The following DPYD variants were observed in gnomAD, a reference collection of about 807,000 sequenced individuals.
DPYD encodes the protein dihydropyrimidine dehydrogenase, also known as dihydropyrimidine dehydrogenase [NADP(+)].
A neutral mutation model predicts 116.2 loss-of-function variants in DPYD; 109 were observed. The ratio of observed to expected loss-of-function variants is 0.94; its 90% CI spans 0.80 to 1.10. The LOEUF (loss-of-function observed/expected upper bound fraction) is 1.10. Among genes scored for constraint, DPYD ranks in the 50% least tolerant of loss-of-function variants. The pLI, the probability that DPYD is intolerant of heterozygous loss-of-function variation, is 0.00. For missense variants in DPYD, 1,302 were observed against 1,254.5 expected (o/e 1.04, Z -0.57); for synonymous variants, 440 against 432.0 (o/e 1.02, Z -0.23).
intron 14 of DPYD, among the ~76,000 whole-genome samples, chr1:97,414,494 G>A (rs913637427): frequency 2.6e-5 from 4 of 152,180 alleles, no homozygotes; most frequent in African/African-American, 7.2e-5. Flanking sequence ...GTCAAGCAGT[G>A]GTTTCATGGT....
chr1:97,105,909 A>C (rs1293595673), intron 20 of DPYD, among the ~76,000 whole-genome samples: 2 of 152,166 alleles, frequency 1.3e-5, no homozygotes, highest in Non-Finnish European at 2.9e-5. Flanking sequence ...GAAGTGAAGG[A>C]ACTACAGGAT....
chr1:97,253,571 C>T (rs892996146), intron 18 of DPYD, among the ~76,000 whole-genome samples: 15 of 152,214 alleles, frequency 9.9e-5, no homozygotes, highest in Admixed American at 4.6e-4. Context: ...TCTCATCCTC[C>T]ATCTCACAAT....
intron 19 of DPYD, among the ~76,000 whole-genome samples, chr1:97,225,788 C>T (rs751795443): frequency 3.9e-5 from 6 of 151,918 alleles, no homozygotes; most frequent in Non-Finnish European, 7.4e-5. Context: ...CAATCATAGC[C>T]AAGGCCAATG....
At chr1:97,690,502 C>A (rs1660958438) in intron 7 of DPYD, among the ~76,000 whole-genome samples, 1 of 151,620 alleles carries the variant, frequency 6.6e-6, no homozygotes, top group Non-Finnish European at 1.5e-5. Flanking sequence ...GTGTAATGAT[C>A]AAATCAGGAT....
At chr1:97,323,371 C>CGTGT (rs1668453008) in intron 16 of DPYD, among the ~76,000 whole-genome samples, 3 of 47,244 alleles carry the variant, frequency 6.4e-5, no homozygotes, top group African/African-American at 2.9e-4. Context: ...CGTATGTATA[C>CGTGT]ATGTGTATAT....
intron 16 of DPYD, among the ~76,000 whole-genome samples, chr1:97,370,674 G>A (rs1229281012): frequency 6.6e-6 from 1 of 152,088 alleles, no homozygotes; most frequent in African/African-American, 2.4e-5. Flanking sequence ...AAAAATAACA[G>A]TAGCCTGCTA....
chr1:97,080,393 TC>T lies in DPYD; in HGVS notation c.2908-1248del, dbSNP rs1343229902. Among the ~76,000 whole-genome samples the T allele has an allele frequency of 3.3e-5, 5 of 151,874 alleles. No homozygotes were observed. The East Asian group carries it at 9.6e-4, about 29-fold the overall frequency. On this transcript the variant is annotated intron_variant, in intron 22 of 22. Transcript: ENST00000370192. ...ATATATATATAGTTGTTTAAAAAAT[TC>T]CCCCCTCCAAATGAAGCTGCATGCA...
intron 21 of DPYD, among the ~76,000 whole-genome samples, chr1:97,082,681 T>C (rs1557852137): frequency 6.6e-6 from 1 of 152,148 alleles, no homozygotes; most frequent in Admixed American, 6.5e-5. Flanking sequence ...ATGCCTGGCT[T>C]AGAAATACGA....
chr1:97,882,940 A>C (rs921542029), intron 2 of DPYD, among the ~76,000 whole-genome samples: 1 of 152,056 alleles, frequency 6.6e-6, no homozygotes, highest in African/African-American at 2.4e-5. Context: ...ATTTTGAAAA[A>C]AGAAATTTTG....
intron 20 of DPYD, among the ~76,000 whole-genome samples, chr1:97,148,249 T>TC (rs1447186256): frequency 2.4e-5 from 3 of 123,676 alleles, no homozygotes; most frequent in African/African-American, 1.1e-4. Context: ...TGTGTGTGTG[T>TC]GTGTGGGGGG....
intron 8 of DPYD, among the ~76,000 whole-genome samples, chr1:97,629,749 C>T (rs949271746): frequency 3.3e-5 from 5 of 151,924 alleles, no homozygotes; most frequent in African/African-American, 1.2e-4. Flanking sequence ...TCAATATATT[C>T]AGCAAATTCT....
intron 3 of DPYD, among the ~76,000 whole-genome samples, chr1:97,788,692 T>G (rs1215914429): frequency 1.3e-5 from 2 of 152,244 alleles, no homozygotes; most frequent in Non-Finnish European, 2.9e-5. Flanking sequence ...GAATCCAACC[T>G]GATTTTCCCA....
rs573126527 is a variant in DPYD at position 97,173,323 on chromosome 1, T to C, written c.2622+19746A>G. Among the ~76,000 whole-genome samples the C allele has an allele frequency of 1.2e-3, 157 of 136,422 alleles. 1 individual carries two copies. Among genetic ancestry groups the C allele is most frequent in the Non-Finnish European group, 5.1e-4 (34 of 66,630 alleles). The allele number at this position is 136,422 out of a possible 152,430, so 89.5% of individuals were successfully genotyped here. A position where few individuals can be genotyped will look rare whatever the true frequency, so the allele number is the denominator to read the frequency against. ...ATGTACATATATATGCACACATATA[T>C]ACACATATATGTGTATATATGCACA... On this transcript the variant is annotated intron_variant, in intron 20 of 22. Coordinates refer to ENST00000370192, the MANE Select transcript of DPYD (RefSeq NM_000110.4).
intron 11 of DPYD, among the ~76,000 whole-genome samples, chr1:97,553,262 T>C (rs1651456651): frequency 6.6e-6 from 1 of 152,044 alleles, no homozygotes; most frequent in Non-Finnish European, 1.5e-5. Context: ...TTTCAACAAT[T>C]CTTTTAAAAT....
At chr1:97,585,581 A>G (rs1037607406) in intron 10 of DPYD, among the ~76,000 whole-genome samples, 1 of 152,210 alleles carries the variant, frequency 6.6e-6, no homozygotes, top group Non-Finnish European at 1.5e-5. Context: ...AAAATTTTTT[A>G]AAAAATCACT....
At chr1:97,831,924 C>T (rs566382219) in intron 2 of DPYD, among the ~76,000 whole-genome samples, 58 of 152,064 alleles carry the variant, frequency 3.8e-4, no homozygotes, top group Admixed American at 1.7e-3. Context: ...TAATGCCGAC[C>T]AGACATGCCA....
chr1:97,355,803 A>G (rs1285513728), intron 16 of DPYD, among the ~76,000 whole-genome samples: 3 of 152,144 alleles, frequency 2.0e-5, no homozygotes, highest in African/African-American at 7.2e-5. Flanking sequence ...TATATATACC[A>G]TATTTTCTTT....
rs1214104742 is a variant in DPYD at position 97,439,206 on chromosome 1, CCCTATCTGGAGTT to C, written c.1905+10840_1905+10852del. Among the ~76,000 whole-genome samples the C allele has an allele frequency of 6.6e-5, 10 of 151,954 alleles. No homozygotes were observed. The South Asian group carries it at 1.2e-3, about 19-fold the overall frequency. ...GAACTATGCTACTTTCAAATATTAA[CCCTATCTGGAGTT>C]CCTATCTGGAGTTCCTTGTACTCTT... On this transcript the variant is annotated intron_variant, in intron 14 of 22. Transcript: ENST00000370192.
intron 3 of DPYD, among the ~76,000 whole-genome samples, chr1:97,782,881 T>C (rs995018233): frequency 3.9e-5 from 6 of 152,196 alleles, no homozygotes; most frequent in African/African-American, 1.4e-4. Context: ...CAGGTGGTGG[T>C]ATCATCAGGG....
Sources: gnomAD v4.1 joint callset for allele counts (sites outside exome capture counted in the v4.1 genomes callset) on GRCh38, gnomAD v4.1.1 for gene constraint, MANE v1.5 for transcripts, NCBI Gene and HGNC (gene_info 2026-07-23, HGNC 2026-07-21) for gene names.